TP53BP1: variants seen among roughly 807,000 people sequenced by gnomAD.
TP53BP1 encodes TP53-binding protein 1.
TP53BP1 carries 61 observed loss-of-function variants against 200.8 expected under a neutral mutation model. The ratio of observed to expected loss-of-function variants is 0.30; its 90% CI spans 0.25 to 0.38. The LOEUF is 0.38. TP53BP1 is among the 10% of genes least tolerant of loss of function. TP53BP1 has a pLI of 1.00. For synonymous variants in TP53BP1, 822 were observed against 844.3 expected, an observed-to-expected ratio of 0.97 and a Z score of 0.46; for missense variants, 2,144 against 2,371.9, an observed-to-expected ratio of 0.90 and a Z score of 2.00.
rs1438591275 is a variant in TP53BP1, at chr15:43,409,096, A to G, written c.5401T>C (p.Cys1801Arg). 2.5e-6 allele frequency: 4 copies of G among 1,614,002 alleles called. No homozygotes were observed. In the Admixed American group the frequency reaches 5.0e-5, roughly 20 times the overall value. The change falls in exon 26 of 28, where the codon TGT becomes CGT. Residue 1801 changes from cysteine to arginine, a missense_variant and splice_region_variant. Physicochemically the swap from Cys to Arg is radical, Grantham distance 180. This residue lies in a region of TP53BP1 where 334 missense variants were observed against 453.4 expected (regional missense o/e 0.74). Transcript: ENST00000382044. ...YILEDFNEAQ[C>R]NTAYQCLLIA... The stretch of plus-strand genomic sequence containing the variant: ...AGAAGACACTGGTAAGCTGTGTTAC[A>G]CTGCAAGAAAAGAAGCAGAGCCAAT...
chr15:43,439,968 C>A (rs1205718922), intron 15 of TP53BP1, among the ~76,000 whole-genome samples: 1 of 152,150 alleles, frequency 6.6e-6, no homozygotes, highest in African/African-American at 2.4e-5. Flanking sequence ...TGAAAAAGGA[C>A]TCTACGGTAC....
intron 10 of TP53BP1, among the ~76,000 whole-genome samples, chr15:43,472,060 C>T (rs1033363215): frequency 6.6e-6 from 1 of 152,170 alleles, no homozygotes; most frequent in Non-Finnish European, 1.5e-5. Context: ...TTTTATGTTA[C>T]TCAAGAGCAG....
chr15:43,414,460 A>C (rs554956798), intron 23 of TP53BP1, among the ~76,000 whole-genome samples: 6 of 152,322 alleles, frequency 3.9e-5, no homozygotes, highest in East Asian at 1.9e-4. Flanking sequence ...GAAACAAAAG[A>C]AGCTCTGGTG....
intron 15 of TP53BP1, among the ~76,000 whole-genome samples, chr15:43,440,700 C>A (rs1046871657): frequency 3.3e-5 from 5 of 151,834 alleles, no homozygotes; most frequent in African/African-American, 9.7e-5. Context: ...CCAGCCTGGG[C>A]AACATAGTAA....
upstream of TP53BP1, among the ~76,000 whole-genome samples, chr15:43,495,290 G>A (rs957172429): frequency 1.3e-5 from 2 of 151,564 alleles, no homozygotes; most frequent in African/African-American, 4.9e-5. Context: ...ATGAGGTCAG[G>A]AGATCGAGAC....
rs890309973 is a variant in TP53BP1, at chr15:43,404,076, CCTT to C, written c.*3304_*3306del. 1.3e-5 allele frequency: 7 copies of C among 524,700 alleles called. No homozygotes were observed. Among genetic ancestry groups the C allele is most frequent in the East Asian group, 3.1e-5 (1 of 31,904 alleles). The allele number at this position is 524,700 out of a possible 1,614,324, so 32.5% of individuals were successfully genotyped here. On this transcript the variant is annotated 3_prime_UTR_variant, in exon 28 of 28. Transcript: ENST00000382044. ...CTAACTTCCTCACATCCTCCCCCCTCCTTACTTCCTTGAACTAACCCCCATCTC... is the reference window on the plus strand; with the variant it reads ...CTAACTTCCTCACATCCTCCCCCCTCACTTCCTTGAACTAACCCCCATCTC...
intron 14 of TP53BP1, among the ~76,000 whole-genome samples, chr15:43,442,857 A>C (rs1280611104): frequency 3.5e-5 from 4 of 113,882 alleles, no homozygotes; most frequent in Admixed American, 1.3e-4. Context: ...ACAGAATCTC[A>C]CTCTGTTGCT....
At chr15:43,419,861 G>C (rs1001482749) in intron 21 of TP53BP1, among the ~76,000 whole-genome samples, 1 of 152,142 alleles carries the variant, frequency 6.6e-6, no homozygotes, top group African/African-American at 2.4e-5. Flanking sequence ...AAGGGTATGT[G>C]ATGACTAAAT....
chr15:43,500,256 G>GGCAACTTAAAACTTGTTATAA, intron 1 of TP53BP1, among the ~76,000 whole-genome samples: 1 of 152,182 alleles, frequency 6.6e-6, no homozygotes, highest in Admixed American at 6.5e-5. Context: ...CTCAGTTGAT[G>GGCAACTTAAAACTTGTTATAA]GCAACTTCAC....
chr15:43,409,434 A>AG (rs2045038408), intron 25 of TP53BP1: 6 of 537,994 alleles, frequency 1.1e-5, no homozygotes, highest in Non-Finnish European at 2.0e-5. Context: ...CAGCAACAGA[A>AG]CCATAGCCAT....
intron 16 of TP53BP1, among the ~76,000 whole-genome samples, chr15:43,433,155 CA>C (rs2045709608): frequency 6.6e-6 from 1 of 151,828 alleles, no homozygotes; most frequent in Non-Finnish European, 1.5e-5. Flanking sequence ...CCCACCTGAG[CA>C]ATATTTTTAG....
intron 14 of TP53BP1, among the ~76,000 whole-genome samples, chr15:43,442,815 C>CTTTTTTTTTTTT (rs71111818): frequency 1.6e-5 from 1 of 61,004 alleles, no homozygotes; most frequent in Non-Finnish European, 2.8e-5. Context: ...CAGTAATATT[C>CTTTTTTTTTTTT]TTTTTTTTTT....
intron 15 of TP53BP1, among the ~76,000 whole-genome samples, chr15:43,440,431 T>C (rs1280710825): frequency 1.3e-5 from 2 of 150,196 alleles, no homozygotes; most frequent in East Asian, 2.0e-4. Flanking sequence ...AGGAGAATGG[T>C]GTGGACCCGG....
intron 11 of TP53BP1, among the ~76,000 whole-genome samples, chr15:43,466,954 A>T (rs1247745832): frequency 6.6e-6 from 1 of 152,216 alleles, no homozygotes; most frequent in Non-Finnish European, 1.5e-5. Flanking sequence ...TTGGGTAGGA[A>T]GAGGAAGAGG....
Position 43,404,262 on chromosome 15 carries a change from GAACT to G in TP53BP1, c.*3117_*3120del. On this transcript the variant is annotated 3_prime_UTR_variant, in exon 28 of 28. Transcript: ENST00000382044. ...ATGGATTTGGTACAAGTCATTTTAGGAACTAATAGAAATAGGAATGTGGGAAGGC... is the reference window on the plus strand; with the variant it reads ...ATGGATTTGGTACAAGTCATTTTAGGAATAGAAATAGGAATGTGGGAAGGC... The G allele has an allele frequency of 1.2e-6, 1 of 826,314 alleles. No individual in the cohort carries two copies. The highest frequency in any genetic ancestry group is 1.8e-6 in the Non-Finnish European group (1 of 540,958). 51.2% of individuals were successfully genotyped at this position (826,314 alleles called of 1,614,324 possible). A position where few individuals can be genotyped will look rare whatever the true frequency, so the allele number is the denominator to read the frequency against.
rs781674446 is a variant in TP53BP1 at position 43,403,831 on chromosome 15, G to C, written c.*3552C>G. 6.5e-7 allele frequency: 1 copy of C among 1,536,370 alleles called. No individual in the cohort carries two copies. Among genetic ancestry groups the C allele is most frequent in the South Asian group, 1.1e-5 (1 of 89,392 alleles). The stretch of plus-strand genomic sequence containing the variant: ...CTGCCTGGAAGTATGCAGCCTTGCC[G>C]AAAGGACAGAGGTGGTTTTGCCAAT... On this transcript the variant is annotated 3_prime_UTR_variant, in exon 28 of 28. Coordinates refer to ENST00000382044, the MANE Select transcript of TP53BP1 (RefSeq NM_001141980.3).
At chr15:43,486,847 A>G (rs1188387988) in intron 4 of TP53BP1, among the ~76,000 whole-genome samples, 1 of 152,072 alleles carries the variant, frequency 6.6e-6, no homozygotes, top group Non-Finnish European at 1.5e-5. Context: ...GCTGGTCTCA[A>G]ACTCCTGAGC....
chr15:43,436,079 C>G (rs2045790911), intron 16 of TP53BP1, among the ~76,000 whole-genome samples: 1 of 151,964 alleles, frequency 6.6e-6, no homozygotes, highest in Non-Finnish European at 1.5e-5. Flanking sequence ...ATAACCTCCA[C>G]CTCCTGGGCT....
At chr15:43,479,737 CTTACTAAA>C (rs1293504925) in intron 6 of TP53BP1, 114 bp downstream of exon 6, 25 of 1,319,000 alleles carry the variant, frequency 1.9e-5, no homozygotes, top group Non-Finnish European at 2.6e-5. Context: ...ACTCTTCAAC[CTTACTAAA>C]TTACTTAGAT....
Sources: allele counts gnomAD v4.1 joint callset (sites outside exome capture counted in the v4.1 genomes callset), GRCh38; gene constraint gnomAD v4.1.1; regional missense constraint gnomAD v4.1.1; transcripts MANE v1.5; gene names NCBI Gene and HGNC (gene_info 2026-07-23, HGNC 2026-07-21).